PLEKHG3: variants seen among roughly 807,000 people sequenced by gnomAD.
PLEKHG3 encodes the protein pleckstrin homology domain-containing family G member 3.
PLEKHG3 carries 62 observed loss-of-function variants against 94.9 expected under a neutral mutation model. The ratio of observed to expected loss-of-function variants is 0.65; its 90% CI spans 0.53 to 0.81. The LOEUF (loss-of-function observed/expected upper bound fraction) is 0.81. Among genes scored for constraint, PLEKHG3 ranks in the 30% least tolerant of loss-of-function variants. PLEKHG3 has a pLI of 0.00. For synonymous variants in PLEKHG3, 614 were observed against 654.0 expected, an observed-to-expected ratio of 0.94 and a Z score of 0.93; for missense variants, 1,461 against 1,619.3, an observed-to-expected ratio of 0.90 and a Z score of 1.68.
At chr14:64,737,479 A>G (rs1434888719) in intron 14 of PLEKHG3, 104 bp downstream of exon 14, 3 of 741,978 alleles carry the variant, frequency 4.0e-6, no homozygotes, top group Non-Finnish European at 6.7e-6. Flanking sequence ...CATTCAACAA[A>G]TGCCTACTAA....
chr14:64,717,039 C>G lies in PLEKHG3; in HGVS notation c.-39-10554C>G, dbSNP rs1266015654. ...GGAGCTATGGGTAGAGAGGGGCCCCCTGGGCCCTGTAGGATAGGGGAAGTG... is the reference window on the plus strand; with the variant it reads ...GGAGCTATGGGTAGAGAGGGGCCCCGTGGGCCCTGTAGGATAGGGGAAGTG... On this transcript the variant is annotated intron_variant, in intron 1 of 16. Coordinates refer to ENST00000247226, the MANE Select transcript of PLEKHG3 (RefSeq NM_001308147.2). This position sits in a 1 kb window ranked among gnomAD's most constrained non-coding sequence, Gnocchi z 4.7. Among the ~76,000 whole-genome samples the G allele has an allele frequency of 2.6e-5, 4 of 152,004 alleles. No individual in the cohort carries two copies. The highest frequency in any genetic ancestry group is 5.9e-5 in the Non-Finnish European group (4 of 68,000).
chr14:64,740,483 G>A (rs2081664283), intron 15 of PLEKHG3, among the ~76,000 whole-genome samples: 1 of 152,258 alleles, frequency 6.6e-6, no homozygotes, highest in Admixed American at 6.5e-5. Flanking sequence ...CCTCTGACGA[G>A]ATTCCAGCAT....
intron 1 of PLEKHG3, among the ~76,000 whole-genome samples, chr14:64,711,546 T>G (rs1050219481): frequency 2.0e-5 from 3 of 152,166 alleles, no homozygotes; most frequent in Admixed American, 2.0e-4. Flanking sequence ...CCCGAGTAGC[T>G]GGGACTACAG....
chr14:64,728,086 T>A lies in PLEKHG3; in HGVS notation c.351+104T>A. ...GCTTCCCATAAAGTAGTTGGAGAACTGGGGTCTCCCACCCTCGCTGACTGC... is the reference window on the plus strand; with the variant it reads ...GCTTCCCATAAAGTAGTTGGAGAACAGGGGTCTCCCACCCTCGCTGACTGC... On this transcript the variant is annotated intron_variant, in intron 2 of 16. Transcript: ENST00000247226. This position sits in a 1 kb window ranked among gnomAD's most constrained non-coding sequence, Gnocchi z 5.9. 2 of 737,480 alleles carry A rather than the reference T, an allele frequency of 2.7e-6. No individual in the cohort carries two copies. Among genetic ancestry groups the A allele is most frequent in the Non-Finnish European group, 4.3e-6 (2 of 465,912 alleles). 45.7% of individuals were successfully genotyped at this position (737,480 alleles called of 1,614,324 possible).
Position 64,743,854 on chromosome 14 carries a change from C to G in PLEKHG3, c.*151C>G. 1 of 803,092 alleles carries G rather than the reference C, an allele frequency of 1.2e-6. No individual in the cohort carries two copies. Among genetic ancestry groups the G allele is most frequent in the East Asian group, 2.8e-5 (1 of 35,566 alleles). The allele number at this position is 803,092 out of a possible 1,614,324, so 49.7% of individuals were successfully genotyped here. On this transcript the variant is annotated 3_prime_UTR_variant, in exon 17 of 17. Transcript: ENST00000247226. The surrounding 1 kb of genome is among the most constrained non-coding windows in gnomAD (Gnocchi z 7.2). ...CTCCGCCCTTCAGGAAGGATGCTCC[C>G]GTGTGCAGGGGTCTCCTGCCTGTGC...
chr14:64,749,305 G>A lies in PLEKHG3; in HGVS notation c.*5602G>A, dbSNP rs746861808. The stretch of plus-strand genomic sequence containing the variant: ...TCCGCCGCGCCCGCCAGCCCCACCT[G>A]CTACTTCTTTTTGGGGAAGAAGCTG... On this transcript the variant is annotated 3_prime_UTR_variant, in exon 17 of 17. Transcript: ENST00000247226. This position sits in a 1 kb window ranked among gnomAD's most constrained non-coding sequence, Gnocchi z 4.7. 8.8e-6 allele frequency: 14 copies of A among 1,598,674 alleles called. No individual in the cohort carries two copies. In the East Asian group the frequency reaches 2.7e-4, roughly 31 times the overall value.
Position 64,738,314 on chromosome 14 carries a change from C to T in PLEKHG3, c.1405-428C>T, listed in dbSNP as rs568715581. 2.7e-6 allele frequency: 2 copies of T among 742,880 alleles called. No homozygotes were observed. Among genetic ancestry groups the T allele is most frequent in the South Asian group, 1.6e-5 (1 of 61,484 alleles). The allele number at this position is 742,880 out of a possible 1,614,324, so 46.0% of individuals were successfully genotyped here. A position where few individuals can be genotyped will look rare whatever the true frequency, so the allele number is the denominator to read the frequency against. Reference sequence around the variant, plus strand: ...GGGCCCCCTCTGCTGCCCTCCTCACCCCACCCTGCCCTGGTTTTACTCCTC... The same window carrying T: ...GGGCCCCCTCTGCTGCCCTCCTCACTCCACCCTGCCCTGGTTTTACTCCTC... On this transcript the variant is annotated intron_variant, in intron 14 of 16. Coordinates refer to ENST00000247226, the MANE Select transcript of PLEKHG3 (RefSeq NM_001308147.2). This position sits in a 1 kb window ranked among gnomAD's most constrained non-coding sequence, Gnocchi z 4.8.
rs2081209937 is a variant in PLEKHG3 at position 64,718,595 on chromosome 14, G to A, written c.-39-8998G>A. ...GTTATCTTCAAATCAGAGAGAGATT[G>A]AGGCACAAAGAGCCCGCTGACTTGC... On this transcript the variant is annotated intron_variant, in intron 1 of 16. Coordinates refer to ENST00000247226, the MANE Select transcript of PLEKHG3 (RefSeq NM_001308147.2). The surrounding 1 kb of genome is among the most constrained non-coding windows in gnomAD (Gnocchi z 5.0). 6.6e-6 allele frequency among the ~76,000 whole-genome samples: 1 copy of A among 152,212 alleles called. No homozygotes were observed. The highest frequency in any genetic ancestry group is 1.5e-5 in the Non-Finnish European group (1 of 68,042).
At chr14:64,708,266 T>A (rs561127932) in intron 1 of PLEKHG3, among the ~76,000 whole-genome samples, 1 of 152,132 alleles carries the variant, frequency 6.6e-6, no homozygotes, top group Non-Finnish European at 1.5e-5. Context: ...TGCTCTGGAA[T>A]TCCCCCTGCT....
In PLEKHG3 at chr14:64,727,341, A is replaced by C. The variant is rs977945980; in HGVS notation, c.-39-252A>C. Among the ~76,000 whole-genome samples the C allele has an allele frequency of 6.6e-6, 1 of 152,178 alleles. No individual in the cohort carries two copies. The highest frequency in any genetic ancestry group is 1.5e-5 in the Non-Finnish European group (1 of 68,014). ...TTGTTTTGTTAATTGTGTTAAATGT[A>C]AATACACATAACATAAAATTTACCA... On this transcript the variant is annotated intron_variant, in intron 1 of 16. Coordinates refer to ENST00000247226, the MANE Select transcript of PLEKHG3 (RefSeq NM_001308147.2). The surrounding 1 kb of genome is among the most constrained non-coding windows in gnomAD (Gnocchi z 6.0).
In PLEKHG3 at chr14:64,732,576, T is replaced by C. The variant is rs759702635; in HGVS notation, c.1246+116T>C. ...ATTCCAGGAGCAGGGAGGGCGGGGG[T>C]CTCCTGTTAAGGGCTGGGGGGTGAA... is the stretch of plus-strand genomic sequence containing the variant. On this transcript the variant is annotated intron_variant, in intron 11 of 16. Transcript: ENST00000247226. The surrounding 1 kb of genome is among the most constrained non-coding windows in gnomAD (Gnocchi z 4.9). 8.0e-5 allele frequency: 74 copies of C among 926,522 alleles called. No homozygotes were observed. The highest frequency in any genetic ancestry group is 1.2e-4 in the Non-Finnish European group (67 of 563,098). 57.4% of individuals were successfully genotyped at this position (926,522 alleles called of 1,614,324 possible). A position where few individuals can be genotyped will look rare whatever the true frequency, so the allele number is the denominator to read the frequency against.
In PLEKHG3 at chr14:64,728,854, T is replaced by TGAATTTTGGGGTGGACAC; in HGVS notation, c.352-141_352-124dup. ...CACATTCTGGGGTTCCAAGTGGACA[T>TGAATTTTGGGGTGGACAC]GAATTTTGGGGTGGACACTGTCTCA... On this transcript the variant is annotated intron_variant, in intron 2 of 16. Coordinates refer to ENST00000247226, the MANE Select transcript of PLEKHG3 (RefSeq NM_001308147.2). The surrounding 1 kb of genome is among the most constrained non-coding windows in gnomAD (Gnocchi z 5.9). 1 of 505,648 alleles carries TGAATTTTGGGGTGGACAC rather than the reference T, an allele frequency of 2.0e-6. No individual in the cohort carries two copies. Among genetic ancestry groups the TGAATTTTGGGGTGGACAC allele is most frequent in the Non-Finnish European group, 3.5e-6 (1 of 282,682 alleles). 31.3% of individuals were successfully genotyped at this position (505,648 alleles called of 1,614,324 possible).
intron 1 of PLEKHG3, among the ~76,000 whole-genome samples, chr14:64,709,204 A>G (rs2081026985): frequency 6.6e-6 from 1 of 152,282 alleles, no homozygotes; most frequent in South Asian, 2.1e-4. Flanking sequence ...ATCAACAGGG[A>G]GTGATGGGCT....
At position 64,730,326 on chromosome 14, in the gene PLEKHG3, G is replaced by A; in HGVS notation, c.519+14G>A. 1 of 1,504,850 alleles carries A rather than the reference G, an allele frequency of 6.6e-7. No individual in the cohort carries two copies. The highest frequency in any genetic ancestry group is 8.9e-7 in the Non-Finnish European group (1 of 1,118,446). 93.2% of individuals were successfully genotyped at this position (1,504,850 alleles called of 1,614,324 possible). A position where few individuals can be genotyped will look rare whatever the true frequency, so the allele number is the denominator to read the frequency against. ...TTTGTGGAAAGGGTAAGAAGGGCTG[G>A]GTCCTTGCCTCTGTCCTACCTTGCT... On this transcript the variant is annotated intron_variant, in intron 4 of 16. Transcript: ENST00000247226. The surrounding 1 kb of genome is among the most constrained non-coding windows in gnomAD (Gnocchi z 5.4).
Position 64,746,870 on chromosome 14 carries a change from A to G in PLEKHG3, c.*3167A>G, listed in dbSNP as rs1261225251. On this transcript the variant is annotated 3_prime_UTR_variant, in exon 17 of 17. Transcript: ENST00000247226. The surrounding 1 kb of genome is among the most constrained non-coding windows in gnomAD (Gnocchi z 4.9). The stretch of plus-strand genomic sequence containing the variant: ...CCTCGTTTGGGAATACTGTCAAAAG[A>G]CTGTAGAGTAGAATAAGGAGAGAAA... 1 of 151,998 alleles carries G rather than the reference A, an allele frequency of 6.6e-6. No individual in the cohort carries two copies. The allele number at this position is 151,998 out of a possible 1,614,324, so 9.4% of individuals were successfully genotyped here. A position where few individuals can be genotyped will look rare whatever the true frequency, so the allele number is the denominator to read the frequency against.
chr14:64,708,334 C>A (rs2081007037), intron 1 of PLEKHG3, among the ~76,000 whole-genome samples: 1 of 152,156 alleles, frequency 6.6e-6, no homozygotes, highest in African/African-American at 2.4e-5. Context: ...TGCCTCACAG[C>A]TGGGAAGGCT....
At position 64,744,045 on chromosome 14, in the gene PLEKHG3, G is replaced by A. The variant is rs1208882748; in HGVS notation, c.*342G>A. ...CCAGCGTTGGCTGGCCATGGCCACA[G>A]CCAGATGGAGGAGCCCATCCCCAGG... On this transcript the variant is annotated 3_prime_UTR_variant, in exon 17 of 17. Transcript: ENST00000247226. 5.1e-6 allele frequency: 1 copy of A among 197,562 alleles called. No individual in the cohort carries two copies. The highest frequency in any genetic ancestry group is 2.3e-5 in the African/African-American group (1 of 42,930). The allele number at this position is 197,562 out of a possible 1,614,324, so 12.2% of individuals were successfully genotyped here.
chr14:64,726,065 G>T lies in PLEKHG3; in HGVS notation c.-39-1528G>T, dbSNP rs2081346737. On this transcript the variant is annotated intron_variant, in intron 1 of 16. Transcript: ENST00000247226. This position sits in a 1 kb window ranked among gnomAD's most constrained non-coding sequence, Gnocchi z 5.1. ...GTTTGGGGGATATTGGAAGGTTCCTGGAGGGGGCGATGTCTAATTGGAGAC... is the reference window on the plus strand; with the variant it reads ...GTTTGGGGGATATTGGAAGGTTCCTTGAGGGGGCGATGTCTAATTGGAGAC... 6.6e-6 allele frequency among the ~76,000 whole-genome samples: 1 copy of T among 152,156 alleles called. No individual in the cohort carries two copies. Among genetic ancestry groups the T allele is most frequent in the Non-Finnish European group, 1.5e-5 (1 of 68,036 alleles).
intron 1 of PLEKHG3, among the ~76,000 whole-genome samples, chr14:64,719,684 G>A (rs1032067162): frequency 6.6e-6 from 1 of 151,952 alleles, no homozygotes; most frequent in African/African-American, 2.4e-5. Flanking sequence ...CACCCACTTG[G>A]TTCCCACCGA....
Sources: gnomAD v4.1 joint callset for allele counts (sites outside exome capture counted in the v4.1 genomes callset) on GRCh38, gnomAD v4.1.1 for gene constraint, Gnocchi (gnomAD v3.1) non-coding constraint, MANE v1.5 for transcripts, NCBI Gene and HGNC (gene_info 2026-07-23, HGNC 2026-07-21) for gene names.